The following NOP2 variants were observed in gnomAD, a reference collection of about 807,000 sequenced individuals.
NOP2 encodes NOP2 nucleolar protein, also known as 28S rRNA (cytosine(4447)-C(5))-methyltransferase.
Under a neutral mutation model 72.7 loss-of-function variants are expected in NOP2, and 7 were observed. The ratio of observed to expected loss-of-function variants is 0.10; its 90% CI spans 0.05 to 0.18. The LOEUF is 0.18. Among genes scored for constraint, NOP2 ranks in the 10% least tolerant of loss-of-function variants. The pLI is 1.00. For missense variants in NOP2, 954 were observed against 1,014.7 expected (o/e 0.94, Z 0.81); for synonymous variants, 387 against 388.0 (o/e 1.00, Z 0.03).
chr12:6,563,404 G>A lies in NOP2; in HGVS notation c.799C>T (p.Leu267=), dbSNP rs114838415. 3,962 of 1,607,386 alleles carry A rather than the reference G, an allele frequency of 2.5e-3. 73 individuals carry two copies. The African/African-American group carries it at 0.042, about 17-fold the overall frequency. ...REEGRSRSEY[L]NRLKKDLAIY... is the part of the protein sequence containing the mutation. ...GCCAGATCCTTCTTGAGCCGGTTCA[G>A]GTATTCAGAACGAGACCGCCCTTCC... Residue 267 remains leucine (L), a synonymous_variant, in exon 8 of 16, where the codon CTG becomes TTG. Coordinates refer to ENST00000322166, the MANE Select transcript of NOP2 (RefSeq NM_001258308.2).
chr12:6,563,994 C>T, intron 5 of NOP2, 48 bp from the exon 6 acceptor site: 1 of 1,595,870 alleles, frequency 6.3e-7, no homozygotes, highest in Non-Finnish European at 8.5e-7. Context: ...TTCCATCAGC[C>T]CTTGTAGCAG....
chr12:6,558,691 C>G (rs1165080423), intron 15 of NOP2, among the ~76,000 whole-genome samples: 1 of 150,028 alleles, frequency 6.7e-6, no homozygotes, highest in Non-Finnish European at 1.5e-5. Flanking sequence ...CTCACTGCAA[C>G]CTCAAACTCC....
chr12:6,556,941 A>G lies in NOP2; in HGVS notation c.*52T>C. ...GAGAAGGCATCCTCACAGAGGCAAG[A>G]GTTCCAACCTGGTGACAATGGCAGT... On this transcript the variant is annotated 3_prime_UTR_variant, in exon 16 of 16. Transcript: ENST00000322166. 9 of 1,600,984 alleles carry G rather than the reference A, an allele frequency of 5.6e-6. No homozygotes were observed. Among genetic ancestry groups the G allele is most frequent in the Non-Finnish European group, 7.7e-6 (9 of 1,173,566 alleles).
At position 6,567,849 on chromosome 12, in the gene NOP2, C is replaced by G. The variant is rs745310005; in HGVS notation, c.70G>C (p.Ala24Pro). ...PGRKARKQKG[A>P]ETELVRFLPA... ...AAGAATCTGACGAGTTCTGTCTCGG[C>G]ACCCTTCTGCTTCCGGGCCTTTCGG... The change falls in exon 2 of 16, where the codon GCC becomes CCC. Residue 24 changes from alanine (A) to proline (P), a missense_variant. This residue lies in a region of NOP2 where 498 missense variants were observed against 478.3 expected (regional missense o/e 1.04). Coordinates refer to ENST00000322166, the MANE Select transcript of NOP2 (RefSeq NM_001258308.2). 1.4e-5 allele frequency: 23 copies of G among 1,613,964 alleles called. 1 individual carries two copies. The Admixed American group carries it at 3.5e-4, about 25-fold the overall frequency.
At chr12:6,568,127 C>T (rs1565594087) in intron 1 of NOP2, 80 bp downstream of exon 1, 1 of 585,186 alleles carries the variant, frequency 1.7e-6, no homozygotes, top group Non-Finnish European at 3.0e-6. Flanking sequence ...ACCTGAAACC[C>T]AGGTAGCGCA....
At chr12:6,563,014 G>A (rs1255426232) in intron 9 of NOP2, 67 bp downstream of exon 9, 6 of 1,440,202 alleles carry the variant, frequency 4.2e-6, no homozygotes, top group Non-Finnish European at 5.7e-6. Flanking sequence ...TAGCACAGAG[G>A]AATCTCTGGA....
intron 9 of NOP2, 85 bp from the exon 10 acceptor site, chr12:6,562,056 T>A: frequency 9.9e-7 from 1 of 1,012,814 alleles, no homozygotes; most frequent in Non-Finnish European, 1.5e-6. Context: ...TGGCGCAATC[T>A]CGGCTCACAG....
In NOP2 at chr12:6,560,375, C is replaced by G; in HGVS notation, c.1561-49G>C. 6.2e-7 allele frequency: 1 copy of G among 1,605,628 alleles called. No homozygotes were observed. The highest frequency in any genetic ancestry group is 1.7e-5 in the Admixed American group (1 of 59,570). On this transcript the variant is annotated intron_variant, in intron 14 of 15. Coordinates refer to ENST00000322166, the MANE Select transcript of NOP2 (RefSeq NM_001258308.2). The surrounding 1 kb of genome is among the most constrained non-coding windows in gnomAD (Gnocchi z 5.0). ...AACGGAGGAAAAAGCAGAGCTGGAG[C>G]TGAAGGGAGCTCTAAGGGGCAAAGA...
chr12:6,567,579 A>G (rs940489874), intron 2 of NOP2: 22 of 422,104 alleles, frequency 5.2e-5, no homozygotes, highest in Non-Finnish European at 8.4e-5. Flanking sequence ...TGAACTCACA[A>G]TTGTTTTAAA....
intron 5 of NOP2, 95 bp downstream of exon 5, chr12:6,566,006 G>A: frequency 1.9e-6 from 2 of 1,049,820 alleles, no homozygotes; most frequent in Non-Finnish European, 2.9e-6. Flanking sequence ...CTCTAGTCAG[G>A]CTTATCCTTG....
intron 8 of NOP2, 22 bp downstream of exon 8, chr12:6,563,292 GA>G (rs1565589875): frequency 6.4e-7 from 1 of 1,570,492 alleles, no homozygotes; most frequent in African/African-American, 1.4e-5. Context: ...AAAAGCAAAA[GA>G]GGCATTCTGG....
At chr12:6,567,084 T>C (rs1947800186) in intron 2 of NOP2, among the ~76,000 whole-genome samples, 1 of 152,010 alleles carries the variant, frequency 6.6e-6, no homozygotes, top group Non-Finnish European at 1.5e-5. Flanking sequence ...AGCGATTCTA[T>C]TGCCTCAGCC....
Position 6,560,267 on chromosome 12 carries a change from C to G in NOP2, c.1620G>C (p.Val540=). The change falls in exon 15 of 16, where the codon GTG becomes GTC. Residue 540 remains valine, a synonymous_variant. Transcript: ENST00000322166. The surrounding 1 kb of genome is among the most constrained non-coding windows in gnomAD (Gnocchi z 5.0). The part of the protein sequence containing the change: ...YALKKRNVRL[V]PTGLDFGQEG... ...CCTGGCCAAAGTCTAGGCCCGTGGG[C>G]ACCAGTCGCACATTCCTCTTTTTCA... is the stretch of plus-strand genomic sequence containing the variant. 6.2e-7 allele frequency: 1 copy of G among 1,613,994 alleles called. No individual in the cohort carries two copies. Among genetic ancestry groups the G allele is most frequent in the Non-Finnish European group, 8.5e-7 (1 of 1,179,892 alleles).
chr12:6,560,374 G>A lies in NOP2; in HGVS notation c.1561-48C>T. On this transcript the variant is annotated intron_variant, in intron 14 of 15. Transcript: ENST00000322166. The surrounding 1 kb of genome is among the most constrained non-coding windows in gnomAD (Gnocchi z 5.0). ...GAACGGAGGAAAAAGCAGAGCTGGAGCTGAAGGGAGCTCTAAGGGGCAAAG... is the reference window on the plus strand; with the variant it reads ...GAACGGAGGAAAAAGCAGAGCTGGAACTGAAGGGAGCTCTAAGGGGCAAAG... 3 of 1,605,920 alleles carry A rather than the reference G, an allele frequency of 1.9e-6. No homozygotes were observed. Among genetic ancestry groups the A allele is most frequent in the Non-Finnish European group, 2.6e-6 (3 of 1,173,998 alleles).
intron 5 of NOP2, among the ~76,000 whole-genome samples, chr12:6,564,968 C>T (rs893257870): frequency 3.3e-5 from 5 of 152,064 alleles, no homozygotes; most frequent in African/African-American, 9.7e-5. Flanking sequence ...AATAATGACC[C>T]TGTAGATACA....
At chr12:6,562,600 TA>T (rs1416423044) in intron 9 of NOP2, among the ~76,000 whole-genome samples, 1 of 152,188 alleles carries the variant, frequency 6.6e-6, no homozygotes, top group Non-Finnish European at 1.5e-5. Flanking sequence ...TCCACTATAC[TA>T]AAAATTTAAT....
At chr12:6,562,040 G>C in intron 9 of NOP2, 69 bp from the exon 10 acceptor site, 1 of 1,179,084 alleles carries the variant, frequency 8.5e-7, no homozygotes, top group East Asian at 2.6e-5. Context: ...CCAGGCTAGA[G>C]TGAGGTGGCG....
chr12:6,563,938 G>A lies in NOP2; in HGVS notation c.483C>T (p.Pro161=), dbSNP rs1161993387. 6.2e-7 allele frequency: 1 copy of A among 1,613,222 alleles called. No homozygotes were observed. Among genetic ancestry groups the A allele is most frequent in the Non-Finnish European group, 8.5e-7 (1 of 1,179,636 alleles). ...TCTGCTTCCGAGCAGCTCTTTCAAT[G>A]GGCAGCAACTGAAGAGAGACAAGGG... ...EDEEEGEALL[P]IERAARKQKA... Residue 161 remains proline (P), a synonymous_variant, in exon 6 of 16, where the codon CCC becomes CCT. Coordinates refer to ENST00000322166, the MANE Select transcript of NOP2 (RefSeq NM_001258308.2).
Position 6,557,450 on chromosome 12 carries a change from A to G in NOP2, c.1982T>C (p.Leu661Ser), listed in dbSNP as rs756332920. 3 of 1,613,984 alleles carry G rather than the reference A, an allele frequency of 1.9e-6. No individual in the cohort carries two copies. The highest frequency in any genetic ancestry group is 2.5e-6 in the Non-Finnish European group (3 of 1,179,886). Residue 661 changes from leucine (L) to serine (S), a missense_variant, in exon 16 of 16, where the codon TTG becomes TCG. Leu to Ser is a moderately radical substitution (Grantham distance 145, BLOSUM62 -2). Coordinates refer to ENST00000322166, the MANE Select transcript of NOP2 (RefSeq NM_001258308.2). The part of the protein sequence containing the change: ...NGISKGADSE[L>S]STVPSVTKTQ... ...CTTTGTGACAGAAGGTACAGTGGAC[A>G]ATTCTGAGTCTGCCCCTTTGGAGAT...
Sources: allele counts gnomAD v4.1 joint callset (sites outside exome capture counted in the v4.1 genomes callset), GRCh38; gene constraint gnomAD v4.1.1; regional missense constraint gnomAD v4.1.1; non-coding constraint Gnocchi (gnomAD v3.1); transcripts MANE v1.5; gene names NCBI Gene and HGNC (gene_info 2026-07-23, HGNC 2026-07-21).